The following CTNNA2 variants were observed in gnomAD, a reference collection of about 807,000 sequenced individuals.
The protein encoded by CTNNA2 is catenin alpha-2.
A neutral mutation model predicts 101.0 loss-of-function variants in CTNNA2; 42 were observed. The observed-to-expected ratio is 0.42, with a 90% CI of 0.32 to 0.54. The LOEUF (loss-of-function observed/expected upper bound fraction) is 0.54, where lower values mean the gene tolerates loss of function less well. Among genes scored for constraint, CTNNA2 ranks in the 20% least tolerant of loss-of-function variants. The pLI is 0.14. For missense variants in CTNNA2, 871 were observed against 1,223.1 expected, an observed-to-expected ratio of 0.71 and a Z score of 4.29; for synonymous variants, 450 against 456.4, an observed-to-expected ratio of 0.99 and a Z score of 0.18.
intron 7 of CTNNA2, among the ~76,000 whole-genome samples, chr2:80,360,569 A>G (rs915567707): frequency 6.6e-6 from 1 of 152,042 alleles, no homozygotes; most frequent in Non-Finnish European, 1.5e-5. Context: ...CATAATACTA[A>G]CAGAGTTTGA....
intron 5 of CTNNA2, among the ~76,000 whole-genome samples, chr2:79,872,850 A>T (rs1208823523): frequency 1.4e-5 from 2 of 139,154 alleles, no homozygotes; most frequent in African/African-American, 5.9e-5. Context: ...AGCTGGAAGA[A>T]TATTCTCCCA....
intron 8 of CTNNA2, among the ~76,000 whole-genome samples, chr2:80,399,647 G>T (rs1424476554): frequency 2.0e-5 from 3 of 152,160 alleles, no homozygotes; most frequent in African/African-American, 7.2e-5. Context: ...GGAAAAGTGG[G>T]AAGGGAAGGA....
chr2:79,970,698 G>A (rs1474184783), intron 7 of CTNNA2, among the ~76,000 whole-genome samples: 1 of 152,116 alleles, frequency 6.6e-6, no homozygotes, highest in East Asian at 1.9e-4. Flanking sequence ...ATAATAGGTG[G>A]CAGGCCATAC....
At chr2:80,317,843 G>A (rs1678277596) in intron 7 of CTNNA2, among the ~76,000 whole-genome samples, 1 of 152,156 alleles carries the variant, frequency 6.6e-6, no homozygotes, top group African/African-American at 2.4e-5. Flanking sequence ...GCTTCATGAT[G>A]CTCAGATGTC....
chr2:80,555,973 T>A, intron 12 of CTNNA2, 80 bp downstream of exon 12: 2 of 997,048 alleles, frequency 2.0e-6, no homozygotes. Context: ...TTTCATTGAT[T>A]TCTGTAGGCC....
In CTNNA2 at chr2:80,303,313, C is replaced by G. The variant is rs778388158; in HGVS notation, c.1057-89898C>G. ...CGGGCACAAACTGGATGGCGTTGGCCCGCATATGCAGCGTGGTGAGCTTCC... is the reference window on the plus strand; with the variant it reads ...CGGGCACAAACTGGATGGCGTTGGCGCGCATATGCAGCGTGGTGAGCTTCC... On this transcript the variant is annotated intron_variant, in intron 7 of 18. Transcript: ENST00000402739. This position sits in a 1 kb window ranked among gnomAD's most constrained non-coding sequence, Gnocchi z 7.7. 18 of 1,613,634 alleles carry G rather than the reference C, an allele frequency of 1.1e-5. No homozygotes were observed. The highest frequency in any genetic ancestry group is 4.5e-5 in the East Asian group (2 of 44,854).
At chr2:79,976,854 T>TTTTA (rs1391781455) in intron 7 of CTNNA2, among the ~76,000 whole-genome samples, 1 of 152,154 alleles carries the variant, frequency 6.6e-6, no homozygotes, top group African/African-American at 2.4e-5. Flanking sequence ...ACTTGCCCTC[T>TTTTA]TAAAGAAAAA....
At chr2:80,217,290 T>C (rs2149047530) in intron 7 of CTNNA2, among the ~76,000 whole-genome samples, 1 of 152,122 alleles carries the variant, frequency 6.6e-6, no homozygotes, top group South Asian at 2.1e-4. Context: ...TTTACATTGG[T>C]TTCTAAACCC....
At chr2:79,729,795 A>G (rs1687089199) in intron 2 of CTNNA2, among the ~76,000 whole-genome samples, 1 of 152,108 alleles carries the variant, frequency 6.6e-6, no homozygotes. Context: ...ATCCATGAAG[A>G]TGACCCTACA....
intron 3 of CTNNA2, among the ~76,000 whole-genome samples, chr2:79,825,389 G>C (rs1394117249): frequency 2.0e-5 from 3 of 152,048 alleles, no homozygotes; most frequent in African/African-American, 7.2e-5. Flanking sequence ...AAATAGGTGA[G>C]ATAAGCGATG....
chr2:79,520,973 A>G (rs1413426108), intron 1 of CTNNA2, among the ~76,000 whole-genome samples: 2 of 151,722 alleles, frequency 1.3e-5, no homozygotes, highest in Non-Finnish European at 2.9e-5. Flanking sequence ...GGTGAAATGA[A>G]AACATATGTA....
chr2:79,559,579 C>G (rs879565665), intron 1 of CTNNA2, among the ~76,000 whole-genome samples: 2 of 151,868 alleles, frequency 1.3e-5, no homozygotes, highest in Admixed American at 6.6e-5. Flanking sequence ...ACCAGGCTTT[C>G]AAACCATAAA....
intron 1 of CTNNA2, among the ~76,000 whole-genome samples, chr2:79,526,705 G>A (rs1672425723): frequency 6.6e-6 from 1 of 152,078 alleles, no homozygotes. Context: ...CAACAAGGGT[G>A]ACAAGACAAT....
chr2:79,853,730 G>C (rs1484553512), intron 3 of CTNNA2, among the ~76,000 whole-genome samples: 3 of 148,574 alleles, frequency 2.0e-5, no homozygotes, highest in Non-Finnish European at 1.5e-5. Flanking sequence ...GGGCAATGGC[G>C]TGATCTTGGC....
intron 14 of CTNNA2, 71 bp downstream of exon 14, chr2:80,581,890 C>T (rs1187922828): frequency 6.6e-6 from 6 of 911,514 alleles, no homozygotes; most frequent in Non-Finnish European, 1.1e-5. Context: ...GAGGGTATTT[C>T]TAAACTCCAG....
At chr2:80,020,639 G>GGTATA (rs1233064978) in intron 7 of CTNNA2, among the ~76,000 whole-genome samples, 2 of 152,168 alleles carry the variant, frequency 1.3e-5, no homozygotes, top group African/African-American at 2.4e-5. Flanking sequence ...ATACTATGCA[G>GGTATA]AGAACCCCTT....
At chr2:80,185,906 A>G (rs1004817775) in intron 7 of CTNNA2, among the ~76,000 whole-genome samples, 3 of 152,210 alleles carry the variant, frequency 2.0e-5, no homozygotes, top group African/African-American at 7.2e-5. Flanking sequence ...CCACTGGGTC[A>G]TCTCTTACAT....
At chr2:79,306,296 T>C (rs1676245539) in intron 2 of CTNNA2, among the ~76,000 whole-genome samples, 1 of 152,112 alleles carries the variant, frequency 6.6e-6, no homozygotes, top group Non-Finnish European at 1.5e-5. Flanking sequence ...CTATTGTACA[T>C]CATGACAACT....
At chr2:80,613,191 T>C (rs747165108) in intron 17 of CTNNA2, among the ~76,000 whole-genome samples, 2 of 151,510 alleles carry the variant, frequency 1.3e-5, no homozygotes, top group Non-Finnish European at 3.0e-5. Flanking sequence ...AATCTGTTGA[T>C]AGTGAAACTA....
Sources: allele counts gnomAD v4.1 joint callset (sites outside exome capture counted in the v4.1 genomes callset), GRCh38; gene constraint gnomAD v4.1.1; non-coding constraint Gnocchi (gnomAD v3.1); transcripts MANE v1.5; gene names NCBI Gene and HGNC (gene_info 2026-07-23, HGNC 2026-07-21).